Variants in CNKSR3 observed in about 807,000 individuals in gnomAD.
The protein encoded by CNKSR3 is connector enhancer of kinase suppressor of ras 3.
CNKSR3 carries 36 observed loss-of-function variants against 67.7 expected under a neutral mutation model. That is an observed-to-expected ratio of 0.53 (90% confidence interval 0.41 to 0.70). CNKSR3 has a LOEUF of 0.70. Among genes scored for constraint, CNKSR3 ranks in the 30% least tolerant of loss-of-function variants. The pLI is 0.00. For missense variants in CNKSR3, 630 were observed against 695.2 expected, an observed-to-expected ratio of 0.91 and a Z score of 1.05; for synonymous variants, 281 against 271.4, an observed-to-expected ratio of 1.04 and a Z score of -0.35.
chr6:154,430,753 T>C (rs1343995498), intron 5 of CNKSR3, among the ~76,000 whole-genome samples, 162 bp from the exon 6 acceptor site: 1 of 152,248 alleles, frequency 6.6e-6, no homozygotes. Flanking sequence ...ACTCCATGTT[T>C]ACCATCTGTG....
At chr6:154,459,064 A>AT (rs977825366) in intron 1 of CNKSR3, among the ~76,000 whole-genome samples, 3 of 152,042 alleles carry the variant, frequency 2.0e-5, no homozygotes, top group African/African-American at 7.2e-5. Context: ...AAAAAGAAAG[A>AT]AAGAAGAAAA....
At chr6:154,414,625 G>C in intron 9 of CNKSR3, 1 of 652,474 alleles carries the variant, frequency 1.5e-6, no homozygotes, top group Non-Finnish European at 2.9e-6. Context: ...TTTGAATGAC[G>C]ATGTATAGTG....
At chr6:154,486,386 C>T (rs1786666619) in intron 1 of CNKSR3, among the ~76,000 whole-genome samples, 1 of 151,854 alleles carries the variant, frequency 6.6e-6, no homozygotes. Flanking sequence ...GCCTCCGCCT[C>T]CTGGCTTCCA....
Position 154,442,283 on chromosome 6 carries a change from C to A in CNKSR3, c.224G>T (p.Gly75Val). 6.2e-7 allele frequency: 1 copy of A among 1,612,336 alleles called. No individual in the cohort carries two copies. The highest frequency in any genetic ancestry group is 8.5e-7 in the Non-Finnish European group (1 of 1,178,500). The change falls in exon 3 of 13, where the codon GGC becomes GTC. Residue 75 changes from glycine to valine, a missense_variant. Physicochemically the swap from Gly to Val is moderately radical, Grantham distance 109. This residue lies in a region of CNKSR3 where 189 missense variants were observed against 205.0 expected (regional missense o/e 0.92). Coordinates refer to ENST00000607772, the MANE Select transcript of CNKSR3 (RefSeq NM_173515.4). ...AVDLLCALNY[G>V]LETDNMKNLV... is the part of the protein sequence containing the mutation. ...GTTCTTCATGTTATCAGTTTCGAGG[C>A]CATAATTCTGTGGAAAATAAAATCA... is the stretch of plus-strand genomic sequence containing the variant.
At chr6:154,434,769 G>A (rs903370867) in intron 4 of CNKSR3, among the ~76,000 whole-genome samples, 12 of 152,032 alleles carry the variant, frequency 7.9e-5, no homozygotes, top group African/African-American at 2.4e-4. Flanking sequence ...CTACAGGAGC[G>A]GCTTCTGTAA....
At chr6:154,504,981 AGT>A (rs1227148577) in intron 1 of CNKSR3, among the ~76,000 whole-genome samples, 1 of 151,650 alleles carries the variant, frequency 6.6e-6, no homozygotes, top group Non-Finnish European at 1.5e-5. Context: ...AGTGCAGGAG[AGT>A]GAATGGAACC....
intron 1 of CNKSR3, among the ~76,000 whole-genome samples, chr6:154,483,324 G>A (rs924931720): frequency 1.3e-5 from 2 of 152,042 alleles, no homozygotes; most frequent in Admixed American, 1.3e-4. Context: ...ATGCACTCTC[G>A]GCAGCCTCTT....
At chr6:154,469,951 T>C (rs1786286791) in intron 1 of CNKSR3, among the ~76,000 whole-genome samples, 2 of 152,154 alleles carry the variant, frequency 1.3e-5, no homozygotes, top group Non-Finnish European at 2.9e-5. Context: ...TTTTCTGATA[T>C]TTTGAGACTA....
intron 1 of CNKSR3, among the ~76,000 whole-genome samples, chr6:154,477,421 CT>C (rs1469802013): frequency 1.3e-5 from 2 of 152,022 alleles, no homozygotes; most frequent in Non-Finnish European, 2.9e-5. Flanking sequence ...AGCAATTCTC[CT>C]GTCTCAGCCT....
chr6:154,434,284 A>T (rs1447536211), intron 4 of CNKSR3, among the ~76,000 whole-genome samples: 1 of 150,840 alleles, frequency 6.6e-6, no homozygotes, highest in African/African-American at 2.5e-5. Context: ...ACTCATCTGT[A>T]GCAAAGGATT....
intron 2 of CNKSR3, among the ~76,000 whole-genome samples, chr6:154,445,709 G>T (rs1039831619): frequency 2.6e-5 from 4 of 152,046 alleles, no homozygotes; most frequent in Middle Eastern, 3.2e-3. Flanking sequence ...TGAAATAAAG[G>T]GGTAGAGTGG....
intron 1 of CNKSR3, among the ~76,000 whole-genome samples, chr6:154,459,156 A>G (rs1562342511): frequency 6.7e-6 from 1 of 150,174 alleles, no homozygotes; most frequent in Admixed American, 6.6e-5. Flanking sequence ...GAAAGAAAGG[A>G]AAGAAAGAAA....
At position 154,389,651 on chromosome 6, in the gene CNKSR3, C is replaced by T. The variant is rs1304692025; in HGVS notation, c.*16703G>A. The T allele has an allele frequency of 1.4e-5, 2 of 147,568 alleles. No homozygotes were observed. The highest frequency in any genetic ancestry group is 2.6e-5 in the African/African-American group (1 of 38,924). The allele number at this position is 147,568 out of a possible 1,614,324, so 9.1% of individuals were successfully genotyped here. On this transcript the variant is annotated 3_prime_UTR_variant, in exon 13 of 13. Coordinates refer to ENST00000607772, the MANE Select transcript of CNKSR3 (RefSeq NM_173515.4). ...TGACATCGTCTCATATATAGAACGC[C>T]CTAAGACTCCATTTTTTAAACATGT...
intron 1 of CNKSR3, among the ~76,000 whole-genome samples, chr6:154,472,893 C>T (rs775370291): frequency 6.6e-6 from 1 of 151,790 alleles, no homozygotes; most frequent in South Asian, 2.1e-4. Flanking sequence ...CTGACTACAA[C>T]CCAGGCTATC....
intron 1 of CNKSR3, among the ~76,000 whole-genome samples, chr6:154,460,936 A>C (rs1026745772): frequency 2.6e-5 from 4 of 152,160 alleles, no homozygotes; most frequent in African/African-American, 9.7e-5. Context: ...AGGTGAGCAC[A>C]TCCATCACTT....
At chr6:154,426,201 C>T (rs958149383) in intron 7 of CNKSR3, among the ~76,000 whole-genome samples, 11 of 152,166 alleles carry the variant, frequency 7.2e-5, no homozygotes, top group Admixed American at 4.6e-4. Flanking sequence ...GACTTCCATA[C>T]AGTCCTACAT....
intron 1 of CNKSR3, among the ~76,000 whole-genome samples, chr6:154,480,903 G>T (rs1361664395): frequency 2.0e-5 from 3 of 152,030 alleles, no homozygotes; most frequent in Non-Finnish European, 4.4e-5. Context: ...GCAGTCTTAT[G>T]CTTATTTGAT....
chr6:154,389,099 G>A lies in CNKSR3; in HGVS notation c.*17255C>T, dbSNP rs1784579875. On this transcript the variant is annotated 3_prime_UTR_variant, in exon 13 of 13. Transcript: ENST00000607772. ...GCTGTGAGAAGCTTTGTGATTTGATGTAACTTTGCTTATTTTTGTTTTTGT... is the reference window on the plus strand; with the variant it reads ...GCTGTGAGAAGCTTTGTGATTTGATATAACTTTGCTTATTTTTGTTTTTGT... 6.6e-6 allele frequency: 1 copy of A among 152,138 alleles called. No individual in the cohort carries two copies. Among genetic ancestry groups the A allele is most frequent in the Non-Finnish European group, 1.5e-5 (1 of 68,022 alleles). 9.4% of individuals were successfully genotyped at this position (152,138 alleles called of 1,614,324 possible).
intron 1 of CNKSR3, among the ~76,000 whole-genome samples, chr6:154,503,364 A>C (rs1023856761): frequency 6.6e-6 from 1 of 152,130 alleles, no homozygotes; most frequent in Non-Finnish European, 1.5e-5. Flanking sequence ...GGTGGCTCCC[A>C]TCTGTAATTC....
Sources: allele counts gnomAD v4.1 joint callset (sites outside exome capture counted in the v4.1 genomes callset), GRCh38; gene constraint gnomAD v4.1.1; regional missense constraint gnomAD v4.1.1; transcripts MANE v1.5; gene names NCBI Gene and HGNC (gene_info 2026-07-23, HGNC 2026-07-21).